Variants in SCGN observed in about 807,000 individuals in gnomAD.
The protein encoded by SCGN is secretagogin, EF-hand calcium binding protein.
SCGN carries 30 observed loss-of-function variants against 39.7 expected under a neutral mutation model. The ratio of observed to expected loss-of-function variants is 0.76; its 90% CI spans 0.57 to 1.03. SCGN has a LOEUF of 1.03. SCGN is among the 50% of genes least tolerant of loss of function. The pLI is 0.00. For missense variants in SCGN, 353 were observed against 349.4 expected (o/e 1.01, Z -0.08); for synonymous variants, 106 against 114.1 (o/e 0.93, Z 0.45).
At chr6:25,666,326 G>A (rs1760424712) in intron 4 of SCGN, among the ~76,000 whole-genome samples, 1 of 151,990 alleles carries the variant, frequency 6.6e-6, no homozygotes, top group South Asian at 2.1e-4. Flanking sequence ...TTGCACTCCA[G>A]CCTCAGTGAC....
At chr6:25,661,526 A>C (rs1760336974) in intron 2 of SCGN, 26 bp from the exon 3 acceptor site, 2 of 1,545,576 alleles carry the variant, frequency 1.3e-6, no homozygotes, top group Admixed American at 3.4e-5. Context: ...AGTGGCTTTA[A>C]TGTGGCTCTG....
At chr6:25,676,091 G>T (rs1759560037) in intron 6 of SCGN, among the ~76,000 whole-genome samples, 1 of 152,110 alleles carries the variant, frequency 6.6e-6, no homozygotes, top group African/African-American at 2.4e-5. Context: ...AACCATCTTT[G>T]ATGCCTCTTT....
chr6:25,672,056 AC>A (rs1759504265), intron 6 of SCGN, among the ~76,000 whole-genome samples: 1 of 151,996 alleles, frequency 6.6e-6, no homozygotes, highest in Non-Finnish European at 1.5e-5. Context: ...CCCCTCACCA[AC>A]TTTTTTCACC....
chr6:25,653,939 A>T (rs953385194), intron 2 of SCGN, among the ~76,000 whole-genome samples: 5 of 152,230 alleles, frequency 3.3e-5, no homozygotes, highest in African/African-American at 9.6e-5. Flanking sequence ...GGGAATGACA[A>T]ACCAGAAAAC....
At chr6:25,663,701 C>T (rs1319705310) in intron 3 of SCGN, among the ~76,000 whole-genome samples, 1 of 152,116 alleles carries the variant, frequency 6.6e-6, no homozygotes, top group Non-Finnish European at 1.5e-5. Context: ...CACTGCCTCC[C>T]ATTGATAAAA....
intron 6 of SCGN, among the ~76,000 whole-genome samples, chr6:25,680,913 C>T (rs12207370): frequency 0.39 from 58,693 of 151,988 alleles, 12,167 homozygotes; most frequent in Non-Finnish European, 0.47. Flanking sequence ...GGGACTAATG[C>T]ATTTTTTAAA....
At chr6:25,699,566 G>A (rs1262067987) in intron 10 of SCGN, among the ~76,000 whole-genome samples, 3 of 144,412 alleles carry the variant, frequency 2.1e-5, no homozygotes, top group Non-Finnish European at 4.5e-5. Context: ...CTCCAGCTTG[G>A]TGACAAGACT....
chr6:25,666,177 TAAAA>T (rs59692433), intron 4 of SCGN, among the ~76,000 whole-genome samples: 9 of 124,568 alleles, frequency 7.2e-5, no homozygotes, highest in African/African-American at 1.5e-4. Context: ...CCATCTCTAC[TAAAA>T]AAAAAAAAAA....
chr6:25,696,784 A>G (rs1759843511), intron 10 of SCGN, among the ~76,000 whole-genome samples: 1 of 152,156 alleles, frequency 6.6e-6, no homozygotes, highest in African/African-American at 2.4e-5. Context: ...ATTTTGACCT[A>G]GCTTTGTCTA....
chr6:25,692,308 A>C (rs1475087964), intron 10 of SCGN, among the ~76,000 whole-genome samples: 1 of 152,248 alleles, frequency 6.6e-6, no homozygotes, highest in Admixed American at 6.5e-5. Flanking sequence ...CATTTGCTAA[A>C]TTAGAGTTTT....
At chr6:25,680,759 A>G (rs956934226) in intron 6 of SCGN, among the ~76,000 whole-genome samples, 2 of 152,230 alleles carry the variant, frequency 1.3e-5, no homozygotes, top group Admixed American at 6.5e-5. Context: ...GTAATTGGAC[A>G]TGTAACATGT....
chr6:25,689,477 G>A lies in SCGN; in HGVS notation c.578G>A (p.Cys193Tyr), dbSNP rs751494356. Reference sequence around the variant, plus strand: ...TAATGTTTTTTCCTTACACAGGCTTGTTCTACTGAAGAAAGGAAAAGGGAC... The same window carrying A: ...TAATGTTTTTTCCTTACACAGGCTTATTCTACTGAAGAAAGGAAAAGGGAC... ...NFLLQFKMDA[C>Y]STEERKRDFE... is the part of the protein sequence containing the mutation. Residue 193 changes from cysteine to tyrosine, a missense_variant, in exon 9 of 11, where the codon TGT becomes TAT. Coordinates refer to ENST00000377961, the MANE Select transcript of SCGN (RefSeq NM_006998.4). 1.2e-6 allele frequency: 2 copies of A among 1,613,180 alleles called. No homozygotes were observed. The highest frequency in any genetic ancestry group is 2.2e-5 in the East Asian group (1 of 44,858).
At chr6:25,660,045 A>T (rs1760310332) in intron 2 of SCGN, among the ~76,000 whole-genome samples, 1 of 152,248 alleles carries the variant, frequency 6.6e-6, no homozygotes, top group Non-Finnish European at 1.5e-5. Flanking sequence ...AAGGTCCCCA[A>T]AGAGGAAGAA....
intron 6 of SCGN, among the ~76,000 whole-genome samples, chr6:25,670,889 T>C (rs1166987179): frequency 6.6e-6 from 1 of 152,244 alleles, no homozygotes; most frequent in African/African-American, 2.4e-5. Context: ...TGCATCTGGC[T>C]CCTCTGTCTT....
Position 25,652,332 on chromosome 6 carries a change from T to TA in SCGN, c.-71dup, listed in dbSNP as rs1226362967. 7.9e-6 allele frequency: 9 copies of TA among 1,144,382 alleles called. No homozygotes were observed. In the Admixed American group the frequency reaches 1.4e-4, roughly 18 times the overall value. The allele number at this position is 1,144,382 out of a possible 1,614,324, so 70.9% of individuals were successfully genotyped here. On this transcript the variant is annotated 5_prime_UTR_variant, in exon 1 of 11. Coordinates refer to ENST00000377961, the MANE Select transcript of SCGN (RefSeq NM_006998.4). ...AGAAGCAGGAGAGCAAGTCAAGAAA[T>TA]ACGGTGAAGGAGTCCTTCCCAAAGT...
At chr6:25,692,188 A>G (rs1262979205) in intron 10 of SCGN, among the ~76,000 whole-genome samples, 2 of 152,132 alleles carry the variant, frequency 1.3e-5, no homozygotes, top group African/African-American at 2.4e-5. Flanking sequence ...TGCTTTTTCT[A>G]TTGATTGCTA....
intron 5 of SCGN, 113 bp from the exon 6 acceptor site, chr6:25,669,886 T>C (rs1225342525): frequency 9.8e-6 from 9 of 916,896 alleles, no homozygotes; most frequent in Non-Finnish European, 1.6e-5. Flanking sequence ...GCTAAAAGCA[T>C]TTTATTTCCT....
intron 6 of SCGN, among the ~76,000 whole-genome samples, chr6:25,679,475 C>T (rs866790772): frequency 3.7e-4 from 48 of 130,276 alleles, no homozygotes; most frequent in Middle Eastern, 8.1e-3. Flanking sequence ...CACGGAGCCC[C>T]GTGGGCAGGT....
At position 25,682,018 on chromosome 6, in the gene SCGN, G is replaced by A. The variant is rs1400869309; in HGVS notation, c.527+12G>A. The A allele has an allele frequency of 6.3e-7, 1 of 1,598,180 alleles. No homozygotes were observed. Among genetic ancestry groups the A allele is most frequent in the East Asian group, 2.2e-5 (1 of 44,796 alleles). ...AATGACTTAGCAAGGTGAGTTACAT[G>A]GAAATGATATCATACATTCAGAAAT... On this transcript the variant is annotated intron_variant, in intron 7 of 10. Transcript: ENST00000377961.
Sources: allele counts gnomAD v4.1 joint callset (sites outside exome capture counted in the v4.1 genomes callset), GRCh38; gene constraint gnomAD v4.1.1; transcripts MANE v1.5; gene names NCBI Gene and HGNC (gene_info 2026-07-23, HGNC 2026-07-21).